Variants in CDK14 observed in about 807,000 individuals in gnomAD.
The protein encoded by CDK14 is cyclin-dependent kinase 14.
In CDK14, 34 loss-of-function variants were observed where a neutral mutation model predicts 60.7. That is an observed-to-expected ratio of 0.56 (90% CI 0.43 to 0.75). CDK14 has a LOEUF of 0.75. Among genes scored for constraint, CDK14 ranks in the 30% least tolerant of loss-of-function variants. The pLI, the probability that CDK14 is intolerant of heterozygous loss-of-function variation, is 0.00. For synonymous variants in CDK14, 197 were observed against 203.7 expected (o/e 0.97, Z 0.28); for missense variants, 482 against 564.1 (o/e 0.85, Z 1.47).
intron 2 of CDK14, among the ~76,000 whole-genome samples, chr7:90,660,383 C>T (rs1365183293): frequency 6.6e-6 from 1 of 152,148 alleles, no homozygotes; most frequent in African/African-American, 2.4e-5. Flanking sequence ...TTCTCTCAGC[C>T]CCAGTTTCTT....
chr7:91,072,809 T>C (rs970967945), intron 11 of CDK14, among the ~76,000 whole-genome samples: 2 of 151,844 alleles, frequency 1.3e-5, no homozygotes, highest in Admixed American at 1.3e-4. Flanking sequence ...GAATAACCAG[T>C]TTAGACAGGA....
At chr7:90,825,119 A>G (rs1243502416) in intron 5 of CDK14, among the ~76,000 whole-genome samples, 1 of 152,326 alleles carries the variant, frequency 6.6e-6, no homozygotes, top group African/African-American at 2.4e-5. Context: ...AGACCTATTC[A>G]TAAAGAATAG....
intron 11 of CDK14, among the ~76,000 whole-genome samples, chr7:91,066,756 G>C (rs555630905): frequency 6.6e-6 from 1 of 152,116 alleles, no homozygotes; most frequent in Non-Finnish European, 1.5e-5. Context: ...CAGTGCTTAC[G>C]TGCATGGCGG....
chr7:90,771,640 C>T (rs1804787485), intron 4 of CDK14, among the ~76,000 whole-genome samples: 1 of 152,112 alleles, frequency 6.6e-6, no homozygotes, highest in Non-Finnish European at 1.5e-5. Context: ...GATCACCATT[C>T]AGAAAGAGAG....
intron 2 of CDK14, among the ~76,000 whole-genome samples, chr7:90,695,727 C>A (rs1206588287): frequency 2.6e-5 from 4 of 151,312 alleles, no homozygotes; most frequent in African/African-American, 9.7e-5. Flanking sequence ...GGGAGCAAAC[C>A]ATGGGAATAT....
intron 12 of CDK14, among the ~76,000 whole-genome samples, chr7:91,101,652 A>G (rs1404540047): frequency 6.6e-6 from 1 of 152,144 alleles, no homozygotes; most frequent in Non-Finnish European, 1.5e-5. Flanking sequence ...CTTCATTATT[A>G]ATGTAACTAC....
intron 2 of CDK14, among the ~76,000 whole-genome samples, chr7:90,702,785 G>A (rs1055710305): frequency 6.6e-6 from 1 of 152,136 alleles, no homozygotes; most frequent in African/African-American, 2.4e-5. Flanking sequence ...TTTCAAGTAT[G>A]TACTACATAA....
In CDK14 at chr7:91,076,242, C is replaced by CAAAAAAAAAAAAA. The variant is rs564729987; in HGVS notation, c.1106-3168_1106-3156dup. Among the ~76,000 whole-genome samples, 15 of 28,800 alleles carry CAAAAAAAAAAAAA rather than the reference C, an allele frequency of 5.2e-4. 2 individuals carry two copies. Among genetic ancestry groups the CAAAAAAAAAAAAA allele is most frequent in the South Asian group, 3.3e-3 (1 of 304 alleles). The allele number at this position is 28,800 out of a possible 152,430, so 18.9% of individuals were successfully genotyped here. On this transcript the variant is annotated intron_variant, in intron 11 of 14. Transcript: ENST00000380050. ...AACTATACTACAGTGCTACAGTAAC[C>CAAAAAAAAAAAAA]AAAAAAAAAAAAAAAAAAAAAAAAA...
In CDK14 at chr7:91,108,160, T is replaced by C. The variant is rs537645110; in HGVS notation, c.1155-4382T>C. 1.3e-4 allele frequency among the ~76,000 whole-genome samples: 20 copies of C among 152,228 alleles called. 1 individual carries two copies. In the East Asian group the frequency reaches 3.7e-3, roughly 28 times the overall value. ...CTGTCTCTACTAAAAATACAAAAAT[T>C]AGCCAGGCATGGTGGCGCAAGCCTG... On this transcript the variant is annotated intron_variant, in intron 12 of 14. Transcript: ENST00000380050.
intron 5 of CDK14, among the ~76,000 whole-genome samples, chr7:90,860,769 CCG>C (rs1790983303): frequency 6.6e-6 from 1 of 152,008 alleles, no homozygotes; most frequent in African/African-American, 2.4e-5. Flanking sequence ...GTGATCCACC[CCG>C]CTCGGCCTCC....
chr7:91,027,725 T>C (rs1300370179), intron 10 of CDK14, among the ~76,000 whole-genome samples: 1 of 149,614 alleles, frequency 6.7e-6, no homozygotes, highest in African/African-American at 2.5e-5. Context: ...AATTGTATAG[T>C]GGTGAAGTCT....
At chr7:91,171,973 G>A (rs1801535604) in intron 14 of CDK14, among the ~76,000 whole-genome samples, 1 of 152,110 alleles carries the variant, frequency 6.6e-6, no homozygotes. Context: ...AATGTGTACT[G>A]TTATTTTCTA....
At chr7:91,174,222 T>C (rs2115824931) in intron 14 of CDK14, among the ~76,000 whole-genome samples, 1 of 152,068 alleles carries the variant, frequency 6.6e-6, no homozygotes, top group South Asian at 2.1e-4. Context: ...GGCAGGGTAT[T>C]CCAACAGACC....
At chr7:90,959,858 G>A (rs936948959) in intron 9 of CDK14, among the ~76,000 whole-genome samples, 4 of 152,104 alleles carry the variant, frequency 2.6e-5, no homozygotes, top group African/African-American at 9.7e-5. Flanking sequence ...TATGAAAATA[G>A]ATAGTTTTTG....
chr7:90,998,520 T>C (rs1795748440), intron 10 of CDK14, among the ~76,000 whole-genome samples: 1 of 152,190 alleles, frequency 6.6e-6, no homozygotes, highest in Non-Finnish European at 1.5e-5. Context: ...TTATGGAAAC[T>C]GTGGTAGGTG....
intron 3 of CDK14, among the ~76,000 whole-genome samples, chr7:90,744,418 A>C (rs1449171385): frequency 6.6e-6 from 1 of 152,200 alleles, no homozygotes; most frequent in African/African-American, 2.4e-5. Flanking sequence ...TTCTCTCTAT[A>C]CAGACACGGC....
chr7:90,900,677 G>A (rs949353654), intron 7 of CDK14, among the ~76,000 whole-genome samples: 7 of 152,058 alleles, frequency 4.6e-5, no homozygotes, highest in African/African-American at 1.4e-4. Flanking sequence ...CACTGGCCCC[G>A]GGGAGCTCAG....
intron 10 of CDK14, among the ~76,000 whole-genome samples, chr7:91,011,186 C>T (rs372991648): frequency 6.6e-6 from 1 of 151,884 alleles, no homozygotes; most frequent in African/African-American, 2.4e-5. Context: ...ACAACAACAA[C>T]AAAAAGCTGC....
intron 4 of CDK14, among the ~76,000 whole-genome samples, chr7:90,750,799 C>T (rs963313272): frequency 2.0e-5 from 3 of 151,418 alleles, no homozygotes; most frequent in Non-Finnish European, 2.9e-5. Flanking sequence ...CTTGAACCTG[C>T]GAGGCGGAGG....
Sources: allele counts gnomAD v4.1 joint callset (sites outside exome capture counted in the v4.1 genomes callset), GRCh38; gene constraint gnomAD v4.1.1; transcripts MANE v1.5; gene names NCBI Gene and HGNC (gene_info 2026-07-23, HGNC 2026-07-21).